Variants in AKAP13 observed in about 807,000 individuals in gnomAD.
AKAP13 encodes A-kinase anchor protein 13.
In AKAP13, 80 loss-of-function variants were observed where a neutral mutation model predicts 264.5. The observed-to-expected ratio is 0.30, with a 90% confidence interval of 0.25 to 0.36. The LOEUF (loss-of-function observed/expected upper bound fraction) is 0.36. Among genes scored for constraint, AKAP13 ranks in the 10% least tolerant of loss-of-function variants. The pLI is 1.00. For synonymous variants in AKAP13, 1,380 were observed against 1,250.2 expected (o/e 1.10, Z -2.19); for missense variants, 3,712 against 3,435.2 (o/e 1.08, Z -2.01).
intron 1 of AKAP13, among the ~76,000 whole-genome samples, chr15:85,392,394 A>G (rs1179970541): frequency 1.3e-5 from 2 of 150,874 alleles, no homozygotes; most frequent in African/African-American, 2.4e-5. Context: ...AGCTGGGACT[A>G]CAGGCGTGCA....
intron 2 of AKAP13, among the ~76,000 whole-genome samples, chr15:85,500,781 G>A (rs2076018554): frequency 6.6e-6 from 1 of 152,176 alleles, no homozygotes; most frequent in Non-Finnish European, 1.5e-5. Flanking sequence ...CCAGAAATGT[G>A]TTTGTTTGTT....
In AKAP13 at chr15:85,623,553, T is replaced by G. The variant is rs112217966; in HGVS notation, c.4162-15821T>G. 2.7e-3 allele frequency among the ~76,000 whole-genome samples: 415 copies of G among 152,334 alleles called. 2 individuals are homozygous for G. The highest frequency in any genetic ancestry group is 4.5e-3 in the Non-Finnish European group (306 of 68,028). ...TAGTTCTGCATAGTTTCACGGTAGC[T>G]TTTCTGTATCAAGACCTTCTTGTAA... is the stretch of plus-strand genomic sequence containing the variant. On this transcript the variant is annotated intron_variant, in intron 8 of 36. Transcript: ENST00000394518.
intron 16 of AKAP13, among the ~76,000 whole-genome samples, chr15:85,691,247 C>G (rs1397359214): frequency 2.0e-5 from 3 of 152,122 alleles, no homozygotes; most frequent in African/African-American, 4.8e-5. Context: ...AATGGTAGGT[C>G]TTTGTAGTCC....
At chr15:85,397,424 C>T (rs991432583) in intron 1 of AKAP13, among the ~76,000 whole-genome samples, 4 of 152,086 alleles carry the variant, frequency 2.6e-5, no homozygotes, top group Admixed American at 6.6e-5. Context: ...TTTTCTTTCC[C>T]GAGCTCAAAT....
chr15:85,575,686 C>T (rs890994447), intron 6 of AKAP13, among the ~76,000 whole-genome samples: 6 of 151,420 alleles, frequency 4.0e-5, no homozygotes, highest in South Asian at 2.1e-4. Flanking sequence ...AGCGAGACTC[C>T]GTCTCAAAAA....
At chr15:85,417,249 T>A (rs143054959) in intron 1 of AKAP13, among the ~76,000 whole-genome samples, 79 of 152,304 alleles carry the variant, frequency 5.2e-4, no homozygotes, top group African/African-American at 1.8e-3. Flanking sequence ...CAGATGAGCT[T>A]CCAGTAGTTT....
chr15:85,613,409 C>T (rs368453915), intron 8 of AKAP13, among the ~76,000 whole-genome samples: 3 of 152,122 alleles, frequency 2.0e-5, no homozygotes, highest in Admixed American at 6.5e-5. Context: ...GGGCCGGGTG[C>T]GGTGGCTCAC....
intron 1 of AKAP13, among the ~76,000 whole-genome samples, chr15:85,392,831 A>G (rs918344193): frequency 6.6e-6 from 1 of 152,198 alleles, no homozygotes; most frequent in Non-Finnish European, 1.5e-5. Context: ...TGGTGGGCAG[A>G]TCTCTTCAGA....
At chr15:85,442,516 AT>A (rs1567059734) in intron 1 of AKAP13, among the ~76,000 whole-genome samples, 1 of 111,066 alleles carries the variant, frequency 9.0e-6, no homozygotes, top group African/African-American at 3.3e-5. Flanking sequence ...TATATAATAT[AT>A]ATTATATTAT....
At chr15:85,590,019 T>C (rs1182964040) in intron 8 of AKAP13, among the ~76,000 whole-genome samples, 1 of 152,138 alleles carries the variant, frequency 6.6e-6, no homozygotes, top group Non-Finnish European at 1.5e-5. Context: ...GTTTTCATGC[T>C]GAAAAGGGTT....
At chr15:85,504,503 CAAAAAAAAAAAAAAAAAAAAAA>C (rs566579814) in intron 2 of AKAP13, among the ~76,000 whole-genome samples, 4 of 91,068 alleles carry the variant, frequency 4.4e-5, no homozygotes, top group Admixed American at 2.6e-4. Flanking sequence ...CCTGTCTTTA[CAAAAAAAAAAAAAAAAAAAAAA>C]AAAAAAAAAA....
intron 21 of AKAP13, among the ~76,000 whole-genome samples, 173 bp from the exon 22 acceptor site, chr15:85,717,834 G>GTCAC (rs1266903415): frequency 6.6e-6 from 1 of 152,204 alleles, no homozygotes; most frequent in African/African-American, 2.4e-5. Context: ...TGTAGAGTCT[G>GTCAC]TCACTCCTGA....
At chr15:85,693,148 A>G in intron 16 of AKAP13, 129 bp from the exon 17 acceptor site, 2 of 1,370,162 alleles carry the variant, frequency 1.5e-6, no homozygotes, top group South Asian at 3.6e-5. Context: ...CTTTGCCCAG[A>G]ACTTTGTTTC....
intron 9 of AKAP13, among the ~76,000 whole-genome samples, chr15:85,644,462 G>A (rs1410970967): frequency 1.3e-5 from 2 of 151,204 alleles, no homozygotes; most frequent in Non-Finnish European, 3.0e-5. Flanking sequence ...GGCTGTTCTC[G>A]AACTCTGGCC....
intron 19 of AKAP13, among the ~76,000 whole-genome samples, chr15:85,712,622 C>T (rs1159939579): frequency 6.6e-6 from 1 of 152,000 alleles, no homozygotes; most frequent in Non-Finnish European, 1.5e-5. Flanking sequence ...CCACTCACTG[C>T]AACATCCGCC....
At chr15:85,726,782 G>GTATA (rs1316939296) in intron 27 of AKAP13, among the ~76,000 whole-genome samples, 2 of 152,240 alleles carry the variant, frequency 1.3e-5, no homozygotes, top group Admixed American at 6.5e-5. Context: ...TGGTGCTCAT[G>GTATA]TATAATATTG....
At chr15:85,394,403 CGTAGTCCCTTAAATGTGAATTGTCCTT>C (rs888806297) in intron 1 of AKAP13, among the ~76,000 whole-genome samples, 2 of 152,160 alleles carry the variant, frequency 1.3e-5, no homozygotes, top group African/African-American at 4.8e-5. Flanking sequence ...CTTTCTCTTC[CGTAGTCCCTTAAATGTGAATTGTCCTT>C]GATTCATCCC....
chr15:85,560,455 T>G (rs1022375688), intron 5 of AKAP13, among the ~76,000 whole-genome samples: 6 of 152,194 alleles, frequency 3.9e-5, no homozygotes, highest in Non-Finnish European at 8.8e-5. Context: ...CCTATTTATT[T>G]ATTTTTAATA....
chr15:85,533,947 G>T, intron 4 of AKAP13, 67 bp downstream of exon 4: 1 of 1,465,548 alleles, frequency 6.8e-7, no homozygotes, highest in Middle Eastern at 1.8e-4. Context: ...TTTTAATGGG[G>T]CTACTTTTCT....
Sources: allele counts gnomAD v4.1 joint callset (sites outside exome capture counted in the v4.1 genomes callset), GRCh38; gene constraint gnomAD v4.1.1; transcripts MANE v1.5; gene names NCBI Gene and HGNC (gene_info 2026-07-23, HGNC 2026-07-21).